Variants in SMURF1 observed in about 807,000 individuals in gnomAD.
SMURF1 encodes the protein E3 ubiquitin-protein ligase SMURF1.
In SMURF1, 44 loss-of-function variants were observed where a neutral mutation model predicts 98.0. The observed-to-expected ratio is 0.45, with a 90% CI of 0.35 to 0.58. SMURF1 has a LOEUF of 0.58. Among genes scored for constraint, SMURF1 ranks in the 20% least tolerant of loss-of-function variants. The pLI, the probability that SMURF1 is intolerant of heterozygous loss-of-function variation, is 0.00. For synonymous variants in SMURF1, 396 were observed against 374.9 expected (o/e 1.06, Z -0.65); for missense variants, 687 against 938.4 (o/e 0.73, Z 3.50).
chr7:99,096,884 T>C (rs1354431895), intron 1 of SMURF1, among the ~76,000 whole-genome samples: 3 of 152,206 alleles, frequency 2.0e-5, no homozygotes, highest in East Asian at 1.9e-4. Flanking sequence ...GGAACATTTA[T>C]AATAGAAATC....
intron 1 of SMURF1, among the ~76,000 whole-genome samples, chr7:99,078,701 G>T (rs78861909): frequency 0.011 from 1,628 of 152,340 alleles, 33 homozygotes; most frequent in African/African-American, 0.036. Flanking sequence ...AACTGCGCAT[G>T]CGAGGGGTCT....
intron 3 of SMURF1, 95 bp from the exon 4 acceptor site, chr7:99,057,646 C>A: frequency 7.2e-7 from 1 of 1,384,888 alleles, no homozygotes; most frequent in East Asian, 2.7e-5. Context: ...TCTGTTGCCC[C>A]CAGGCTGGAG....
intron 15 of SMURF1, chr7:99,036,060 C>T (rs1406527489): frequency 2.9e-6 from 1 of 344,498 alleles, no homozygotes; most frequent in Admixed American, 4.2e-5. Flanking sequence ...AATAACGGCA[C>T]GTCCCAGGGT....
intron 1 of SMURF1, among the ~76,000 whole-genome samples, chr7:99,066,061 A>C (rs1796184263): frequency 6.6e-6 from 1 of 150,688 alleles, no homozygotes; most frequent in Admixed American, 6.6e-5. Flanking sequence ...AAAAAAAGGC[A>C]CAAGCGAGAA....
At chr7:99,118,512 CGTT>C (rs1375659456) in intron 1 of SMURF1, among the ~76,000 whole-genome samples, 1 of 152,116 alleles carries the variant, frequency 6.6e-6, no homozygotes, top group Non-Finnish European at 1.5e-5. Context: ...ACCTTGAAAA[CGTT>C]ATGCCAAGTG....
At chr7:99,102,472 T>TA (rs1797104821) in intron 1 of SMURF1, among the ~76,000 whole-genome samples, 1 of 152,176 alleles carries the variant, frequency 6.6e-6, no homozygotes, top group African/African-American at 2.4e-5. Context: ...TATAGCTGTT[T>TA]AAAAAAACTT....
chr7:99,129,813 C>T (rs904761934), intron 1 of SMURF1, among the ~76,000 whole-genome samples: 9 of 152,198 alleles, frequency 5.9e-5, no homozygotes, highest in Admixed American at 4.6e-4. Flanking sequence ...AAGAGCTTGG[C>T]GGTCTGTGGG....
chr7:99,134,001 AGT>A (rs1439283245), intron 1 of SMURF1, among the ~76,000 whole-genome samples: 5 of 152,006 alleles, frequency 3.3e-5, no homozygotes, highest in Non-Finnish European at 7.4e-5. Flanking sequence ...GGAGGTAGAA[AGT>A]GAGAATGAGC....
intron 1 of SMURF1, among the ~76,000 whole-genome samples, chr7:99,140,928 T>TA (rs1453110768): frequency 1.3e-5 from 2 of 152,290 alleles, no homozygotes; most frequent in East Asian, 3.9e-4. Context: ...AAGATGAGAC[T>TA]AAAACCTATT....
chr7:99,036,829 A>C (rs531177695), intron 15 of SMURF1, among the ~76,000 whole-genome samples: 8 of 152,294 alleles, frequency 5.3e-5, no homozygotes, highest in Admixed American at 4.6e-4. Flanking sequence ...CACCTTGAAC[A>C]GTTTCCCGGG....
Position 99,033,059 on chromosome 7 carries a change from T to C in SMURF1, c.2074A>G (p.Asn692Asp). Residue 692 changes from asparagine (N) to aspartate (D), a missense_variant, in exon 17 of 18, where the codon AAC becomes GAC. Transcript: ENST00000361368. ...TACCAGGTATGGGCCTTCGGAAGGT[T>C]GTCTGTGTTCGCGTCTATCAGGTGG... ...TIHLIDANTD[N>D]LPKAHTCFNR... is the part of the protein sequence containing the mutation. 1 of 1,595,312 alleles carries C rather than the reference T, an allele frequency of 6.3e-7. No homozygotes were observed. Among genetic ancestry groups the C allele is most frequent in the Non-Finnish European group, 8.5e-7 (1 of 1,170,248 alleles).
rs542669165 is a variant in SMURF1, at chr7:99,131,099, T to C, written c.55+12627A>G. Among the ~76,000 whole-genome samples the C allele has an allele frequency of 6.0e-4, 91 of 152,238 alleles. 2 individuals are homozygous for C. In the South Asian group the frequency reaches 0.018, roughly 30 times the overall value. ...GTGCTGAGGTCAAAACACTGAGATA[T>C]AGAGAGAAACCAGGTCCTTGCTTTG... On this transcript the variant is annotated intron_variant, in intron 1 of 17. Transcript: ENST00000361368.
Position 99,040,521 on chromosome 7 carries a change from G to A in SMURF1, c.1407C>T (p.Ile469=). ...GTCCATGGAACACAGCCAGCCCCAT[G>A]ATCCGCCCCACAAAGTGGAAATAAG... The part of the protein sequence containing the change: ...HLSYFHFVGR[I]MGLAVFHGHY... The change falls in exon 13 of 18, where the codon ATC becomes ATT. Residue 469 remains isoleucine, a synonymous_variant. Coordinates refer to ENST00000361368, the MANE Select transcript of SMURF1 (RefSeq NM_181349.3). 2 of 1,523,764 alleles carry A rather than the reference G, an allele frequency of 1.3e-6. No individual in the cohort carries two copies. Among genetic ancestry groups the A allele is most frequent in the Non-Finnish European group, 1.8e-6 (2 of 1,135,862 alleles). The allele number at this position is 1,523,764 out of a possible 1,614,324, so 94.4% of individuals were successfully genotyped here.
chr7:99,045,567 C>G (rs997951366), intron 11 of SMURF1, 131 bp downstream of exon 11: 5 of 700,384 alleles, frequency 7.1e-6, no homozygotes, highest in Non-Finnish European at 1.2e-5. Context: ...TGCATGATGG[C>G]CCGACTGCTC....
At chr7:99,041,020 GAAGAGAGGGA>G (rs1415803019) in intron 12 of SMURF1, among the ~76,000 whole-genome samples, 5 of 152,122 alleles carry the variant, frequency 3.3e-5, no homozygotes, top group East Asian at 1.9e-4. Context: ...AGAACGAAAG[GAAGAGAGGGA>G]AAGAGAGGGA....
Position 99,040,318 on chromosome 7 carries a change from C to T in SMURF1, c.1550+60G>A. The T allele has an allele frequency of 2.8e-6, 4 of 1,404,330 alleles. No homozygotes were observed. In the East Asian group the frequency reaches 8.1e-5, roughly 29 times the overall value. 87.0% of individuals were successfully genotyped at this position (1,404,330 alleles called of 1,614,324 possible). Reference sequence around the variant, plus strand: ...ACGCGCGCGCGCGCGCACGCGCATACATACGATAGACGTGGTGGTGGGCCC... The same window carrying T: ...ACGCGCGCGCGCGCGCACGCGCATATATACGATAGACGTGGTGGTGGGCCC... On this transcript the variant is annotated intron_variant, in intron 13 of 17. Coordinates refer to ENST00000361368, the MANE Select transcript of SMURF1 (RefSeq NM_181349.3).
At chr7:99,043,245 C>T (rs1233546848) in intron 11 of SMURF1, among the ~76,000 whole-genome samples, 2 of 152,124 alleles carry the variant, frequency 1.3e-5, no homozygotes, top group African/African-American at 4.8e-5. Context: ...AAAAGAGAGG[C>T]TACAGAAAGG....
intron 1 of SMURF1, among the ~76,000 whole-genome samples, chr7:99,102,712 TTA>T (rs1412809418): frequency 1.3e-5 from 2 of 152,258 alleles, no homozygotes; most frequent in African/African-American, 4.8e-5. Context: ...TCTTTCAATG[TTA>T]TAAGTAAAGG....
At chr7:99,126,512 C>T (rs1026370583) in intron 1 of SMURF1, among the ~76,000 whole-genome samples, 5 of 151,818 alleles carry the variant, frequency 3.3e-5, no homozygotes, top group Non-Finnish European at 7.4e-5. Context: ...AAAGATCAGC[C>T]GGGCGTGGTG....
Sources: gnomAD v4.1 joint callset for allele counts (sites outside exome capture counted in the v4.1 genomes callset) on GRCh38, gnomAD v4.1.1 for gene constraint, MANE v1.5 for transcripts, NCBI Gene and HGNC (gene_info 2026-07-23, HGNC 2026-07-21) for gene names.